Variants in MYLK observed in about 807,000 individuals in gnomAD.
MYLK encodes the protein myosin light chain kinase, smooth muscle.
MYLK carries 106 observed loss-of-function variants against 203.4 expected under a neutral mutation model. The observed-to-expected ratio is 0.52, with a 90% CI of 0.45 to 0.61. The LOEUF (loss-of-function observed/expected upper bound fraction) is 0.61, where lower values mean the gene tolerates loss of function less well. Among genes scored for constraint, MYLK ranks in the 20% least tolerant of loss-of-function variants. MYLK has a pLI of 0.00. For missense variants in MYLK, 2,072 were observed against 2,442.3 expected (o/e 0.85, Z 3.20); for synonymous variants, 867 against 959.5 (o/e 0.90, Z 1.78).
intron 2 of MYLK, among the ~76,000 whole-genome samples, chr3:123,833,268 A>G (rs2066391442): frequency 1.3e-5 from 2 of 152,200 alleles, no homozygotes; most frequent in South Asian, 4.1e-4. Flanking sequence ...CTCATAAGCT[A>G]ATCCAGGCAA....
intron 4 of MYLK, among the ~76,000 whole-genome samples, chr3:123,770,193 G>A (rs144503460): frequency 0.014 from 2,158 of 151,890 alleles, 45 homozygotes; most frequent in African/African-American, 0.05. Flanking sequence ...GCGTGGTGGC[G>A]GGCACCTGTA....
At chr3:123,677,918 T>TATATATATATATACACAC (rs1273803739) in intron 20 of MYLK, among the ~76,000 whole-genome samples, 48 of 78,872 alleles carry the variant, frequency 6.1e-4, no homozygotes, top group East Asian at 3.4e-3. Flanking sequence ...TATATATATA[T>TATATATATATATACACAC]ACACACACAC....
At position 123,614,198 on chromosome 3, in the gene MYLK, A is replaced by G. The variant is rs2057336520; in HGVS notation, c.5652T>C (p.Ala1884=). 1 of 1,613,950 alleles carries G rather than the reference A, an allele frequency of 6.2e-7. No homozygotes were observed. ...GDDDAKYTCK[A]VNSLGEATCT... The stretch of plus-strand genomic sequence containing the variant: ...AGGTGGCTTCTCCAAGACTGTTGAC[A>G]GCCTTGCAGGTGTACTTGGCATCGT... The change falls in exon 34 of 34, where the codon GCT becomes GCC. Residue 1884 remains alanine, a synonymous_variant. Transcript: ENST00000360304.
intron 3 of MYLK, among the ~76,000 whole-genome samples, chr3:123,826,026 C>A (rs983046581): frequency 6.6e-6 from 1 of 152,220 alleles, no homozygotes; most frequent in African/African-American, 2.4e-5. Flanking sequence ...CCTTTGCAGG[C>A]ATGTCCCTGG....
chr3:123,721,573 G>C (rs1322464254), intron 13 of MYLK, among the ~76,000 whole-genome samples: 1 of 152,068 alleles, frequency 6.6e-6, no homozygotes, highest in South Asian at 2.1e-4. Context: ...GCCTGGGCCC[G>C]TGAGTAGAAG....
At position 123,749,348 on chromosome 3, in the gene MYLK, C is replaced by T. The variant is rs147344211; in HGVS notation, c.373+2983G>A. 1.1e-3 allele frequency among the ~76,000 whole-genome samples: 160 copies of T among 152,046 alleles called. 3 individuals carry two copies. The South Asian group carries it at 0.016, about 16-fold the overall frequency. ...TACAGGACAGGTCTGTGGTCCTCCA[C>T]GGGAGAGGAAGTTCTCAGAGGGCAG... On this transcript the variant is annotated intron_variant, in intron 5 of 33. Coordinates refer to ENST00000360304, the MANE Select transcript of MYLK (RefSeq NM_053025.4).
intron 4 of MYLK, among the ~76,000 whole-genome samples, chr3:123,756,264 C>G (rs1442685959): frequency 6.6e-6 from 1 of 152,228 alleles, no homozygotes; most frequent in Non-Finnish European, 1.5e-5. Context: ...TAGGTTAAAG[C>G]AATATCTGCT....
chr3:123,712,400 C>A (rs35020472), intron 13 of MYLK, among the ~76,000 whole-genome samples: 82 of 152,324 alleles, frequency 5.4e-4, no homozygotes, highest in Non-Finnish European at 9.6e-4. Context: ...GAGTCCCCAG[C>A]CTTACAGAGC....
At chr3:123,705,088 A>G (rs1405563952) in intron 16 of MYLK, among the ~76,000 whole-genome samples, 1 of 152,122 alleles carries the variant, frequency 6.6e-6, no homozygotes, top group African/African-American at 2.4e-5. Context: ...CTGCCTCACA[A>G]TCCTAGCAGG....
In MYLK at chr3:123,709,014, C is replaced by T. The variant is rs1404104034; in HGVS notation, c.1943-119G>A. 3 of 817,560 alleles carry T rather than the reference C, an allele frequency of 3.7e-6. No homozygotes were observed. The African/African-American group carries it at 5.1e-5, about 14-fold the overall frequency. 50.6% of individuals were successfully genotyped at this position (817,560 alleles called of 1,614,324 possible). On this transcript the variant is annotated intron_variant, in intron 14 of 33. Transcript: ENST00000360304. ...ACTCCAACAACTCTCTATGCTTTCA[C>T]TTCCCCATCAGTAAAATAGGAATTC...
chr3:123,792,062 G>A (rs1235493250), intron 4 of MYLK, among the ~76,000 whole-genome samples: 1 of 152,200 alleles, frequency 6.6e-6, no homozygotes, highest in Non-Finnish European at 1.5e-5. Flanking sequence ...CCAGTGTGTT[G>A]GCTCCTGGCC....
At chr3:123,667,068 A>T (rs1204373703) in intron 21 of MYLK, 69 bp downstream of exon 21, 5 of 1,433,362 alleles carry the variant, frequency 3.5e-6, no homozygotes, top group Non-Finnish European at 9.9e-7. Context: ...GTGTCAGTCT[A>T]GCAAGGTAAA....
At chr3:123,874,171 A>T (rs2033004306) in intron 2 of MYLK, among the ~76,000 whole-genome samples, 1 of 152,150 alleles carries the variant, frequency 6.6e-6, no homozygotes, top group African/African-American at 2.4e-5. Flanking sequence ...TGTCAGGCCA[A>T]AAAATCTGTA....
intron 4 of MYLK, among the ~76,000 whole-genome samples, chr3:123,780,276 A>C (rs2064244643): frequency 6.6e-6 from 1 of 152,088 alleles, no homozygotes; most frequent in Non-Finnish European, 1.5e-5. Flanking sequence ...TCTACTAAAA[A>C]TACAAAAATT....
intron 20 of MYLK, among the ~76,000 whole-genome samples, chr3:123,671,442 A>T: frequency 6.6e-6 from 1 of 152,190 alleles, no homozygotes. Context: ...GACACAGGAG[A>T]GGGCTGTGGA....
intron 3 of MYLK, among the ~76,000 whole-genome samples, chr3:123,800,939 G>A (rs1035399161): frequency 6.6e-6 from 1 of 152,136 alleles, no homozygotes; most frequent in Non-Finnish European, 1.5e-5. Flanking sequence ...AATATTTACA[G>A]TATTGGAAAT....
intron 3 of MYLK, among the ~76,000 whole-genome samples, chr3:123,800,457 G>C (rs1327034417): frequency 2.6e-5 from 4 of 152,130 alleles, no homozygotes; most frequent in Admixed American, 2.6e-4. Flanking sequence ...CCAGCAAGCA[G>C]ATGGATGGAG....
At chr3:123,819,264 C>T (rs1391088297) in intron 3 of MYLK, among the ~76,000 whole-genome samples, 1 of 152,176 alleles carries the variant, frequency 6.6e-6, no homozygotes, top group Non-Finnish European at 1.5e-5. Flanking sequence ...GAGTTTCCCT[C>T]AGGATGGAGC....
intron 33 of MYLK, among the ~76,000 whole-genome samples, chr3:123,615,180 A>G (rs2057406309): frequency 6.6e-6 from 1 of 151,340 alleles, no homozygotes; most frequent in African/African-American, 2.4e-5. Flanking sequence ...TAATCCCAGC[A>G]CTTTGGGAGG....
Sources: allele counts gnomAD v4.1 joint callset (sites outside exome capture counted in the v4.1 genomes callset), GRCh38; gene constraint gnomAD v4.1.1; transcripts MANE v1.5; gene names NCBI Gene and HGNC (gene_info 2026-07-23, HGNC 2026-07-21).